The following CCDC88B variants were observed in gnomAD, a reference collection of about 807,000 sequenced individuals.
The protein encoded by CCDC88B is coiled-coil and HOOK domain protein 88B.
In CCDC88B, 138 loss-of-function variants were observed where a neutral mutation model predicts 183.7. That is an observed-to-expected ratio of 0.75 (90% CI 0.65 to 0.87). The LOEUF is 0.87. Among genes scored for constraint, CCDC88B ranks in the 40% least tolerant of loss-of-function variants. The pLI is 0.00. For synonymous variants in CCDC88B, 835 were observed against 867.5 expected (o/e 0.96, Z 0.66); for missense variants, 1,822 against 1,965.6 (o/e 0.93, Z 1.38).
chr11:64,354,269 C>A, intron 24 of CCDC88B, 99 bp downstream of exon 24: 1 of 1,082,680 alleles, frequency 9.2e-7, no homozygotes, highest in Non-Finnish European at 1.2e-6. Context: ...TGCGTGACCC[C>A]ATTGGCCTTC....
Position 64,353,145 on chromosome 11 carries a change from C to T in CCDC88B, c.3592C>T (p.Leu1198=), listed in dbSNP as rs1256120313. Reference sequence around the variant, plus strand: ...ACGGGGCCGGCTGGCGCGGCTGGAGCTGGAGCGGGCACAGCTGGAGATGCA... The same window carrying T: ...ACGGGGCCGGCTGGCGCGGCTGGAGTTGGAGCGGGCACAGCTGGAGATGCA... ...ELRGRLARLE[L]ERAQLEMQSQ... The change falls in exon 21 of 27, where the codon CTG becomes TTG. Residue 1198 remains leucine (L), a synonymous_variant. Transcript: ENST00000356786. 1 of 1,595,016 alleles carries T rather than the reference C, an allele frequency of 6.3e-7. No individual in the cohort carries two copies. The highest frequency in any genetic ancestry group is 8.5e-7 in the Non-Finnish European group (1 of 1,172,076).
intron 14 of CCDC88B, 109 bp from the exon 15 acceptor site, chr11:64,349,222 T>A: frequency 3.9e-6 from 5 of 1,292,960 alleles, no homozygotes; most frequent in South Asian, 2.9e-5. Flanking sequence ...TAATGATACG[T>A]GCCCAGGATG....
At position 64,351,271 on chromosome 11, in the gene CCDC88B, C is replaced by T. The variant is rs1459799118; in HGVS notation, c.2958+16C>T. ...GGAGCGCAGTGTGAGTGTGGGCCCA[C>T]AGTGGGCCCTGGGGAGGTGCCCCGT... On this transcript the variant is annotated intron_variant, in intron 17 of 26. Coordinates refer to ENST00000356786, the MANE Select transcript of CCDC88B (RefSeq NM_032251.6). The T allele has an allele frequency of 8.0e-6, 12 of 1,508,264 alleles. No homozygotes were observed. Among genetic ancestry groups the T allele is most frequent in the African/African-American group, 2.8e-5 (2 of 71,398 alleles). The allele number at this position is 1,508,264 out of a possible 1,614,324, so 93.4% of individuals were successfully genotyped here.
In CCDC88B at chr11:64,343,311, G is replaced by T; in HGVS notation, c.1195G>T (p.Gly399Cys). ...RENLLLRTRL[G>C]EAHAELDSLR... is the part of the protein sequence containing the mutation. Reference sequence around the variant, plus strand: ...GAACCTGCTGCTGCGAACCCGGCTGGGCGAGGCCCATGCGGTAAGGTAGCC... The same window carrying T: ...GAACCTGCTGCTGCGAACCCGGCTGTGCGAGGCCCATGCGGTAAGGTAGCC... The change falls in exon 11 of 27, where the codon GGC becomes TGC. Residue 399 changes from glycine to cysteine, a missense_variant. By Grantham distance (159) the Gly-to-Cys change is radical. Coordinates refer to ENST00000356786, the MANE Select transcript of CCDC88B (RefSeq NM_032251.6). 1 of 1,550,460 alleles carries T rather than the reference G, an allele frequency of 6.4e-7. No homozygotes were observed.
chr11:64,354,290 G>A, intron 24 of CCDC88B, 120 bp downstream of exon 24: 2 of 781,850 alleles, frequency 2.6e-6, no homozygotes, highest in Non-Finnish European at 3.5e-6. Context: ...CCTGAGGCCT[G>A]CCCCCCCTGC....
intron 26 of CCDC88B, chr11:64,356,415 C>A (rs497595): frequency 0.97 from 147,530 of 151,870 alleles, 71,795 homozygotes; most frequent in Middle Eastern, 1. Context: ...TCTACTAAAA[C>A]TACAAAAATT....
chr11:64,341,027 T>A lies in CCDC88B; in HGVS notation c.318+9T>A. Reference sequence around the variant, plus strand: ...TGAGGGACTTCTACCAGGTAAGGGGTCTCGAGGGAAAGGCGGAGACAGGAG... The same window carrying A: ...TGAGGGACTTCTACCAGGTAAGGGGACTCGAGGGAAAGGCGGAGACAGGAG... On this transcript the variant is annotated intron_variant, in intron 3 of 26. Transcript: ENST00000356786. 6.2e-7 allele frequency: 1 copy of A among 1,611,482 alleles called. No individual in the cohort carries two copies. The highest frequency in any genetic ancestry group is 8.5e-7 in the Non-Finnish European group (1 of 1,178,538).
chr11:64,351,332 T>TGG, intron 17 of CCDC88B, 77 bp downstream of exon 17: 1 of 1,482,648 alleles, frequency 6.7e-7, no homozygotes, highest in Non-Finnish European at 9.1e-7. Context: ...GACCCTGGGC[T>TGG]GGGGGGTATC....
intron 26 of CCDC88B, 77 bp from the exon 27 acceptor site, chr11:64,356,962 G>A (rs1394788967): frequency 2.0e-5 from 29 of 1,444,810 alleles, no homozygotes; most frequent in Non-Finnish European, 2.6e-5. Flanking sequence ...GGCAGAAGGT[G>A]CTCGAGCCTG....
At chr11:64,347,665 C>T (rs510372) in intron 14 of CCDC88B, among the ~76,000 whole-genome samples, 48,241 of 151,958 alleles carry the variant, frequency 0.32, 8,371 homozygotes, top group South Asian at 0.39. Flanking sequence ...TCTAGCCGGG[C>T]GACCTGCCTA....
chr11:64,352,521 C>T, intron 19 of CCDC88B, 135 bp downstream of exon 19: 1 of 1,376,900 alleles, frequency 7.3e-7, no homozygotes, highest in Non-Finnish European at 9.6e-7. Context: ...CTGCTGTGCC[C>T]TCTGGGGTAG....
At chr11:64,351,922 G>A (rs1221841158) in intron 18 of CCDC88B, among the ~76,000 whole-genome samples, 1 of 152,026 alleles carries the variant, frequency 6.6e-6, no homozygotes. Flanking sequence ...CGGACAGCCT[G>A]GCCCAGCCAG....
intron 14 of CCDC88B, 100 bp downstream of exon 14, chr11:64,345,257 C>A: frequency 7.5e-7 from 1 of 1,340,698 alleles, no homozygotes; most frequent in Non-Finnish European, 1.0e-6. Flanking sequence ...GTGCCCAGCA[C>A]TGAGCTGGGG....
chr11:64,343,514 A>C lies in CCDC88B; in HGVS notation c.1217A>C (p.Asp406Ala). 1.3e-6 allele frequency: 2 copies of C among 1,551,428 alleles called. No individual in the cohort carries two copies. The highest frequency in any genetic ancestry group is 1.7e-6 in the Non-Finnish European group (2 of 1,146,914). ...CCCTTCCCTCACCCCCAGGAGCTGG[A>C]CTCTCTGCGGCATCAGGTGGACCAG... ...TRLGEAHAEL[D>A]SLRHQVDQLA... The change falls in exon 12 of 27, where the codon GAC becomes GCC. Residue 406 changes from aspartate to alanine, a missense_variant. Asp to Ala is a moderately radical substitution (Grantham distance 126). Transcript: ENST00000356786.
chr11:64,350,927 T>A (rs141867541), intron 16 of CCDC88B, among the ~76,000 whole-genome samples: 4 of 152,178 alleles, frequency 2.6e-5, no homozygotes, highest in Non-Finnish European at 1.5e-5. Context: ...AGAAGTGTTA[T>A]GAGCAGAAGG....
chr11:64,355,206 CG>C lies in CCDC88B; in HGVS notation c.4114del (p.Ala1372HisfsTer237). ...GTACCTCTTGCAGGGTCCCCTTCCC[CG>C]GCACCCATGCGCCGGGCCCAGAGCT... ...READGTGSPS[P>X]APMRRAQSSL... is the part of the protein sequence containing the mutation. On this transcript the variant is annotated frameshift_variant, in exon 25 of 27. Coordinates refer to ENST00000356786, the MANE Select transcript of CCDC88B (RefSeq NM_032251.6). LOFTEE classifies it high-confidence loss of function. 1 of 1,493,564 alleles carries C rather than the reference CG, an allele frequency of 6.7e-7. No individual in the cohort carries two copies. Among genetic ancestry groups the C allele is most frequent in the Non-Finnish European group, 8.9e-7 (1 of 1,123,752 alleles). The allele number at this position is 1,493,564 out of a possible 1,614,324, so 92.5% of individuals were successfully genotyped here.
chr11:64,343,160 C>T lies in CCDC88B; in HGVS notation c.1063-19C>T, dbSNP rs760656906. ...CATGGGGGCTGCGTGGCTACCGGTT[C>T]TCCCTGCTCTCCCACCAGGAGGAGC... On this transcript the variant is annotated intron_variant, in intron 10 of 26. Coordinates refer to ENST00000356786, the MANE Select transcript of CCDC88B (RefSeq NM_032251.6). 5.3e-5 allele frequency: 80 copies of T among 1,515,208 alleles called. 1 individual carries two copies. The South Asian group carries it at 7.8e-4, about 15-fold the overall frequency. 93.9% of individuals were successfully genotyped at this position (1,515,208 alleles called of 1,614,324 possible).
chr11:64,340,345 GC>G lies in CCDC88B; in HGVS notation c.60+20del. 2 of 1,297,750 alleles carry G rather than the reference GC, an allele frequency of 1.5e-6. No individual in the cohort carries two copies. Among genetic ancestry groups the G allele is most frequent in the South Asian group, 2.6e-5 (1 of 39,066 alleles). The allele number at this position is 1,297,750 out of a possible 1,614,324, so 80.4% of individuals were successfully genotyped here. ...TACCTGGGTGAGGGGGCAGGTGGCAGCGGGTTGGGGAGGGGAAGTGAGCCCC... is the reference window on the plus strand; with the variant it reads ...TACCTGGGTGAGGGGGCAGGTGGCAGGGGTTGGGGAGGGGAAGTGAGCCCC... On this transcript the variant is annotated intron_variant, in intron 1 of 26. Transcript: ENST00000356786.
Position 64,344,596 on chromosome 11 carries a change from G to T in CCDC88B, c.2055G>T (p.Arg685Ser), listed in dbSNP as rs755910575. The change falls in exon 14 of 27, where the codon AGG becomes AGT. Residue 685 changes from arginine (R) to serine (S), a missense_variant. Coordinates refer to ENST00000356786, the MANE Select transcript of CCDC88B (RefSeq NM_032251.6). The surrounding 1 kb of genome is among the most constrained non-coding windows in gnomAD (Gnocchi z 4.5). ...GQAEAREHDQRLEGTVRDPAW... is the reference protein window; with the variant it reads ...GQAEAREHDQSLEGTVRDPAW... ...CAGAGGCCAGAGAGCATGACCAGAG[G>T]CTGGAAGGGACGGTCAGGGACCCAG... The T allele has an allele frequency of 1.9e-6, 3 of 1,611,026 alleles. No individual in the cohort carries two copies. The highest frequency in any genetic ancestry group is 8.5e-7 in the Non-Finnish European group (1 of 1,178,596).
Sources: gnomAD v4.1 joint callset for allele counts (sites outside exome capture counted in the v4.1 genomes callset) on GRCh38, gnomAD v4.1.1 for gene constraint, Gnocchi (gnomAD v3.1) non-coding constraint, MANE v1.5 for transcripts, NCBI Gene and HGNC (gene_info 2026-07-23, HGNC 2026-07-21) for gene names.